NOP9: variants seen among roughly 807,000 people sequenced by gnomAD.
NOP9 encodes the protein nucleolar protein 9.
A neutral mutation model predicts 63.0 loss-of-function variants in NOP9; 50 were observed. The observed-to-expected ratio is 0.79, with a 90% CI of 0.63 to 1.00. The LOEUF (loss-of-function observed/expected upper bound fraction) is 1.00. Ranked by LOEUF, NOP9 falls within the 50% of genes least tolerant of loss-of-function variation. The pLI, the probability that NOP9 is intolerant of heterozygous loss-of-function variation, is 0.00. For synonymous variants in NOP9, 343 were observed against 332.8 expected (o/e 1.03, Z -0.33); for missense variants, 758 against 803.0 (o/e 0.94, Z 0.68).
the NOP9 span, among the ~76,000 whole-genome samples, chr14:24,271,966 T>G: frequency 2.0e-5 from 3 of 152,244 alleles, no homozygotes; most frequent in South Asian, 6.2e-4. Context: ...ACACCCCCAT[T>G]CTGGCTTCTC....
the NOP9 span, among the ~76,000 whole-genome samples, chr14:24,273,664 G>A: frequency 6.6e-6 from 1 of 152,218 alleles, no homozygotes; most frequent in Non-Finnish European, 1.5e-5. Context: ...GGTTCTCTTT[G>A]TGCCAGCCAC....
intron 5 of NOP9, among the ~76,000 whole-genome samples, chr14:24,302,848 C>T (rs927392145): frequency 6.6e-6 from 1 of 152,200 alleles, no homozygotes; most frequent in African/African-American, 2.4e-5. Flanking sequence ...TCCTAGTGCT[C>T]CCTTACACAT....
intron 2 of NOP9, among the ~76,000 whole-genome samples, chr14:24,301,083 CAGG>C (rs1366711648): frequency 2.6e-5 from 4 of 152,022 alleles, no homozygotes; most frequent in African/African-American, 7.3e-5. Context: ...AGAATGGACG[CAGG>C]AGGAGAATTT....
upstream of NOP9, chr14:24,296,927 G>A (rs769847904): frequency 1.1e-4 from 184 of 1,611,070 alleles, no homozygotes; most frequent in South Asian, 1.0e-3. Context: ...ACATGGGTGT[G>A]AGTCATGACA....
At chr14:24,301,378 T>C (rs2041374040) in intron 2 of NOP9, among the ~76,000 whole-genome samples, 2 of 152,326 alleles carry the variant, frequency 1.3e-5, no homozygotes, top group African/African-American at 4.8e-5. Flanking sequence ...ATGGCTTGAA[T>C]ACCTGGCTGA....
chr14:24,292,572 C>T, the NOP9 span: 1 of 1,609,924 alleles, frequency 6.2e-7, no homozygotes. Flanking sequence ...CCATTCTGAC[C>T]ACTGGGGATT....
At chr14:24,298,886 G>A (rs983030016), upstream of NOP9, 20 of 1,492,004 alleles carry the variant, frequency 1.3e-5, no homozygotes, top group African/African-American at 2.4e-4. Context: ...AAGGGATTAG[G>A]AAAGGAGCTG....
the NOP9 span, among the ~76,000 whole-genome samples, chr14:24,277,531 AGAG>A: frequency 1.3e-5 from 2 of 152,318 alleles, no homozygotes; most frequent in South Asian, 4.1e-4. Context: ...GACAACGAAG[AGAG>A]GAGAACTTCT....
In NOP9 at chr14:24,301,616, ACAGAAG is replaced by A; in HGVS notation, c.703_708del (p.Gln235_Lys236del). ...ATGTTCTTAATCTTCCTTCAGAAGC[ACAGAAG>A]ACCCCAGCTCAGGAATGTAAGCCAG... On this transcript the variant is annotated inframe_deletion, in exon 3 of 10. Transcript: ENST00000267425. 6.2e-7 allele frequency: 1 copy of A among 1,614,166 alleles called. No individual in the cohort carries two copies. The highest frequency in any genetic ancestry group is 1.3e-5 in the African/African-American group (1 of 75,058).
chr14:24,287,823 G>C, the NOP9 span, among the ~76,000 whole-genome samples: 7 of 152,206 alleles, frequency 4.6e-5, no homozygotes, highest in Non-Finnish European at 7.3e-5. Context: ...GTTTACTGCA[G>C]CACTCATCTA....
At chr14:24,277,464 G>C in the NOP9 span, among the ~76,000 whole-genome samples, 1 of 152,138 alleles carries the variant, frequency 6.6e-6, no homozygotes. Context: ...AGCGTGGTGA[G>C]GGCAGGGCTG....
the NOP9 span, among the ~76,000 whole-genome samples, chr14:24,272,740 G>T: frequency 2.6e-5 from 4 of 152,170 alleles, no homozygotes. Context: ...TATCCTGCCT[G>T]ACCCTGCCAA....
At chr14:24,304,716 G>A (rs552358919) in intron 9 of NOP9, 118 bp downstream of exon 9, 1 of 952,242 alleles carries the variant, frequency 1.1e-6, no homozygotes, top group South Asian at 1.7e-5. Flanking sequence ...GGGTGGTCTT[G>A]CTCATGGGTT....
rs776234046 is a variant in NOP9, at chr14:24,304,948, C to A, written c.1764C>A (p.Asn588Lys). 1.3e-6 allele frequency: 2 copies of A among 1,547,792 alleles called. No individual in the cohort carries two copies. Among genetic ancestry groups the A allele is most frequent in the Non-Finnish European group, 1.7e-6 (2 of 1,149,670 alleles). ...KEIAAELGEQ[N>K]QELIRDPFGH... ...TGGTTCCCTTTGCAGGGGAGCAGAA[C>A]CAGGAGCTGATAAGAGACCCTTTCG... The change falls in exon 10 of 10, where the codon AAC becomes AAA. Residue 588 changes from asparagine to lysine, a missense_variant. Coordinates refer to ENST00000267425, the MANE Select transcript of NOP9 (RefSeq NM_174913.3).
intron 1 of NOP9, 59 bp from the exon 2 acceptor site, chr14:24,300,349 G>T: frequency 6.4e-7 from 1 of 1,563,764 alleles, no homozygotes. Flanking sequence ...GTTAAGCGAG[G>T]GTACATAACT....
At chr14:24,301,200 A>G (rs968954215) in intron 2 of NOP9, among the ~76,000 whole-genome samples, 1 of 152,014 alleles carries the variant, frequency 6.6e-6, no homozygotes, top group Admixed American at 6.6e-5. Context: ...CATGCAGCCC[A>G]CTCTGTTATT....
chr14:24,304,848 C>A lies in NOP9; in HGVS notation c.1754-90C>A, dbSNP rs1185963640. 10 of 1,414,284 alleles carry A rather than the reference C, an allele frequency of 7.1e-6. No homozygotes were observed. The Admixed American group carries it at 7.6e-5, about 11-fold the overall frequency. 87.6% of individuals were successfully genotyped at this position (1,414,284 alleles called of 1,614,324 possible). A position where few individuals can be genotyped will look rare whatever the true frequency, so the allele number is the denominator to read the frequency against. The stretch of plus-strand genomic sequence containing the variant: ...GTTCACTTTATCCCAGTGGCAGTCC[C>A]AGGGTCTGGGGGAAATGGAGGGATC... On this transcript the variant is annotated intron_variant, in intron 9 of 9. Coordinates refer to ENST00000267425, the MANE Select transcript of NOP9 (RefSeq NM_174913.3).
Position 24,305,149 on chromosome 14 carries a change from C to T in NOP9, c.*54C>T. 1.5e-6 allele frequency: 2 copies of T among 1,368,666 alleles called. No homozygotes were observed. The highest frequency in any genetic ancestry group is 1.7e-5 in the South Asian group (1 of 58,326). The allele number at this position is 1,368,666 out of a possible 1,614,324, so 84.8% of individuals were successfully genotyped here. On this transcript the variant is annotated 3_prime_UTR_variant, in exon 10 of 10. Transcript: ENST00000267425. ...GGGGGAGGGCAAAATGGGGTATCCACCCCATCCCTTTCCTGGTTTAAATTG... is the reference window on the plus strand; with the variant it reads ...GGGGGAGGGCAAAATGGGGTATCCATCCCATCCCTTTCCTGGTTTAAATTG...
At chr14:24,284,591 T>G in the NOP9 span, among the ~76,000 whole-genome samples, 1 of 149,850 alleles carries the variant, frequency 6.7e-6, no homozygotes, top group African/African-American at 2.5e-5. Flanking sequence ...GGACTGGAGG[T>G]GATGGGGAGG....
Sources: gnomAD v4.1 joint callset for allele counts (sites outside exome capture counted in the v4.1 genomes callset) on GRCh38, gnomAD v4.1.1 for gene constraint, MANE v1.5 for transcripts, NCBI Gene and HGNC (gene_info 2026-07-23, HGNC 2026-07-21) for gene names.